TRPM8: variants seen among roughly 807,000 people sequenced by gnomAD.
The protein encoded by TRPM8 is TRPM8 cationic channel.
In TRPM8, 110 loss-of-function variants were observed where a neutral mutation model predicts 133.7. The observed-to-expected ratio is 0.82, with a 90% confidence interval of 0.70 to 0.96. The LOEUF is 0.96. TRPM8 is among the 40% of genes least tolerant of loss of function. TRPM8 has a pLI of 0.00. For missense variants in TRPM8, 1,291 were observed against 1,379.5 expected, an observed-to-expected ratio of 0.94 and a Z score of 1.02; for synonymous variants, 535 against 532.3, an observed-to-expected ratio of 1.01 and a Z score of -0.07.
chr2:233,986,297 T>C (rs188170267), intron 21 of TRPM8, among the ~76,000 whole-genome samples: 14 of 152,378 alleles, frequency 9.2e-5, no homozygotes, highest in Admixed American at 8.5e-4. Flanking sequence ...AATTTTTCAG[T>C]TTAAATCAGA....
intron 11 of TRPM8, among the ~76,000 whole-genome samples, chr2:233,957,917 A>G (rs2125159997): frequency 6.6e-6 from 1 of 152,368 alleles, no homozygotes; most frequent in South Asian, 2.1e-4. Context: ...TGACGATAAT[A>G]GCAGTACTTA....
At chr2:233,983,375 T>A in intron 20 of TRPM8, 151 bp downstream of exon 20, 1 of 792,632 alleles carries the variant, frequency 1.3e-6, no homozygotes, top group Non-Finnish European at 2.1e-6. Context: ...CCTCAAAACC[T>A]CTTCTTTGCT....
At chr2:233,976,789 A>T (rs377499144) in intron 17 of TRPM8, among the ~76,000 whole-genome samples, 1 of 151,922 alleles carries the variant, frequency 6.6e-6, no homozygotes, top group African/African-American at 2.4e-5. Context: ...TGGCCTTACA[A>T]CTCTGATTCT....
At position 233,947,213 on chromosome 2, in the gene TRPM8, T is replaced by C; in HGVS notation, c.942+58T>C. 7.5e-6 allele frequency: 12 copies of C among 1,604,912 alleles called. 1 individual carries two copies. In the South Asian group the frequency reaches 1.2e-4, roughly 16 times the overall value. ...CTAATAAGCCTATCCAACAAATTTGTATTTTCAAGGATTTGGGCTCATCTA... is the reference window on the plus strand; with the variant it reads ...CTAATAAGCCTATCCAACAAATTTGCATTTTCAAGGATTTGGGCTCATCTA... On this transcript the variant is annotated intron_variant, in intron 8 of 25. Coordinates refer to ENST00000324695, the MANE Select transcript of TRPM8 (RefSeq NM_024080.5).
intron 5 of TRPM8, among the ~76,000 whole-genome samples, chr2:233,939,962 A>G (rs1690864570): frequency 6.6e-6 from 1 of 152,014 alleles, no homozygotes; most frequent in East Asian, 1.9e-4. Flanking sequence ...AACGGTTCAT[A>G]CTCGAATTTT....
intron 20 of TRPM8, 78 bp from the exon 21 acceptor site, chr2:233,985,610 T>C (rs1692125088): frequency 7.2e-7 from 1 of 1,390,730 alleles, no homozygotes; most frequent in Non-Finnish European, 1.0e-6. Context: ...ACTGACATGT[T>C]CTTGTGGCCC....
At chr2:233,957,877 G>A (rs532127163) in intron 11 of TRPM8, among the ~76,000 whole-genome samples, 7 of 152,284 alleles carry the variant, frequency 4.6e-5, no homozygotes, top group South Asian at 2.1e-4. Context: ...AGTGTTTACC[G>A]TTACCCAACT....
At chr2:233,934,135 A>G (rs543921327) in intron 3 of TRPM8, among the ~76,000 whole-genome samples, 2 of 152,360 alleles carry the variant, frequency 1.3e-5, no homozygotes, top group African/African-American at 2.4e-5. Context: ...GGGATTTACT[A>G]TAAGGAAAAA....
intron 17 of TRPM8, among the ~76,000 whole-genome samples, chr2:233,971,640 G>C (rs578094222): frequency 6.6e-6 from 1 of 151,914 alleles, no homozygotes; most frequent in East Asian, 1.9e-4. Context: ...AAGGTGGTGC[G>C]TCTGGAGTTT....
chr2:233,950,527 T>C (rs1691149569), intron 9 of TRPM8, among the ~76,000 whole-genome samples: 1 of 152,164 alleles, frequency 6.6e-6, no homozygotes, highest in South Asian at 2.1e-4. Context: ...AGAGGTGGCT[T>C]GAGGTGCAGA....
intron 9 of TRPM8, among the ~76,000 whole-genome samples, chr2:233,951,937 A>T (rs1365656705): frequency 6.6e-6 from 1 of 152,018 alleles, no homozygotes; most frequent in African/African-American, 2.4e-5. Flanking sequence ...CAGCCCCAAA[A>T]CCTGGACTCC....
In TRPM8 at chr2:233,937,466, C is replaced by T. The variant is rs754492177; in HGVS notation, c.305C>T (p.Ala102Val). 8.1e-6 allele frequency: 13 copies of T among 1,614,036 alleles called. No homozygotes were observed. The highest frequency in any genetic ancestry group is 4.0e-5 in the African/African-American group (3 of 75,002). ...KKHTKEFPTD[A>V]FGDIQFETLG... is the part of the protein sequence containing the mutation. The stretch of plus-strand genomic sequence containing the variant: ...CACACCAAGGAATTTCCTACCGACG[C>T]CTTTGGGGATATTCAGTTTGAGACA... The change falls in exon 4 of 26, where the codon GCC (alanine) becomes GTC (valine). Residue 102 changes from alanine to valine, a missense_variant. Around this residue, in one of 2 missense-constraint regions of TRPM8, gnomAD observed 963 missense variants for 968.9 expected, o/e 0.99. Coordinates refer to ENST00000324695, the MANE Select transcript of TRPM8 (RefSeq NM_024080.5).
Position 234,006,889 on chromosome 2 carries a change from A to G in TRPM8, c.3167A>G (p.Glu1056Gly), listed in dbSNP as rs1203684420. ...GAAGACAATGAGACTCTGGCATGGGAGGGTGTCATGAAGGAAAACTACCTT... is the reference window on the plus strand; with the variant it reads ...GAAGACAATGAGACTCTGGCATGGGGGGGTGTCATGAAGGAAAACTACCTT... ...KNEDNETLAWEGVMKENYLVK... is the reference protein window; with the variant it reads ...KNEDNETLAWGGVMKENYLVK... Residue 1056 changes from glutamate (E) to glycine (G), a missense_variant, in exon 23 of 26, where the codon GAG becomes GGG. Glu to Gly is a moderately conservative substitution (Grantham distance 98). Coordinates refer to ENST00000324695, the MANE Select transcript of TRPM8 (RefSeq NM_024080.5). The G allele has an allele frequency of 6.2e-7, 1 of 1,613,860 alleles. No homozygotes were observed. The highest frequency in any genetic ancestry group is 1.7e-5 in the Admixed American group (1 of 60,014).
chr2:233,947,404 A>G (rs1691070599), intron 8 of TRPM8: 1 of 1,495,496 alleles, frequency 6.7e-7, no homozygotes. Context: ...TCAACCTGCC[A>G]AAGAGAAGAG....
chr2:233,946,960 C>T (rs939997959), intron 7 of TRPM8, 128 bp from the exon 8 acceptor site: 39 of 745,110 alleles, frequency 5.2e-5, no homozygotes, highest in South Asian at 3.4e-4. Context: ...TGTTCAAGTC[C>T]GTGAGATGTG....
At chr2:233,931,695 A>C (rs978553127) in intron 3 of TRPM8, among the ~76,000 whole-genome samples, 24 of 152,374 alleles carry the variant, frequency 1.6e-4, no homozygotes, top group Middle Eastern at 3.4e-3. Flanking sequence ...GCTTCAGAGC[A>C]TAATTCTTAC....
At chr2:234,009,967 T>G (rs986029471) in intron 24 of TRPM8, among the ~76,000 whole-genome samples, 5 of 152,126 alleles carry the variant, frequency 3.3e-5, no homozygotes, top group Admixed American at 6.5e-5. Flanking sequence ...CATCTGTGAG[T>G]GTTGTATGTA....
rs989163882 is a variant in TRPM8 at position 234,018,637 on chromosome 2, G to C, written c.*1381G>C. 6.6e-6 allele frequency: 1 copy of C among 151,728 alleles called. No individual in the cohort carries two copies. The highest frequency in any genetic ancestry group is 6.6e-5 in the Admixed American group (1 of 15,248). 9.4% of individuals were successfully genotyped at this position (151,728 alleles called of 1,614,324 possible). A position where few individuals can be genotyped will look rare whatever the true frequency, so the allele number is the denominator to read the frequency against. On this transcript the variant is annotated 3_prime_UTR_variant, in exon 26 of 26. Transcript: ENST00000324695. ...TGGTGGGCAGATCACTTGAGGTCAG[G>C]AGTTCGAGACCAGCCTGGCCAACAT...
intron 22 of TRPM8, among the ~76,000 whole-genome samples, chr2:234,006,652 A>G (rs1305044422): frequency 6.6e-6 from 1 of 152,224 alleles, no homozygotes; most frequent in Non-Finnish European, 1.5e-5. Context: ...GGCAGCTCCA[A>G]TTCTTCATTG....
Sources: gnomAD v4.1 joint callset for allele counts (sites outside exome capture counted in the v4.1 genomes callset) on GRCh38, gnomAD v4.1.1 for gene constraint, gnomAD v4.1.1 regional missense constraint, MANE v1.5 for transcripts, NCBI Gene and HGNC (gene_info 2026-07-23, HGNC 2026-07-21) for gene names.